Variants in ADAM20 observed in about 807,000 individuals in gnomAD.
ADAM20 encodes the protein ADAM metallopeptidase domain 20.
For missense variants in ADAM20, 871 were observed against 883.2 expected, an observed-to-expected ratio of 0.99 and a Z score of 0.18; for synonymous variants, 305 against 310.2, an observed-to-expected ratio of 0.98 and a Z score of 0.18.
chr14:70,562,250 T>C, the ADAM20 span, among the ~76,000 whole-genome samples: 92 of 152,342 alleles, frequency 6.0e-4, no homozygotes, highest in African/African-American at 2.1e-3. Context: ...GACTGCCCTA[T>C]TGGGTTTCAG....
the ADAM20 span, among the ~76,000 whole-genome samples, chr14:70,560,357 T>C: frequency 6.6e-6 from 1 of 152,142 alleles, no homozygotes; most frequent in African/African-American, 2.4e-5. Context: ...CATGGCTGAA[T>C]AAAGATGCTA....
At chr14:70,577,209 C>T in the ADAM20 span, among the ~76,000 whole-genome samples, 1 of 152,048 alleles carries the variant, frequency 6.6e-6, no homozygotes, top group African/African-American at 2.4e-5. Context: ...AGTGTTAAAT[C>T]AAGTGTAAAA....
chr14:70,536,054 G>A (rs1419180814), upstream of ADAM20, among the ~76,000 whole-genome samples: 4 of 152,200 alleles, frequency 2.6e-5, no homozygotes, highest in Non-Finnish European at 4.4e-5. Flanking sequence ...TTAACCTAAT[G>A]TACACATGTA....
chr14:70,523,525 C>A lies in ADAM20; in HGVS notation c.1233G>T (p.Gly411=). The change falls in exon 2 of 2, where the codon GGG becomes GGT. Residue 411 remains glycine, a synonymous_variant. Coordinates refer to ENST00000256389, the MANE Select transcript of ADAM20 (RefSeq NM_003814.5). ...CCTCCCCTTCTTCAACCACTAGATT[C>A]CCACAGTACTTCAGTCTAAATATAT... is the stretch of plus-strand genomic sequence containing the variant. The part of the protein sequence containing the change: ...PGNIFRLKYC[G]NLVVEEGEEC... The A allele has an allele frequency of 4.3e-6, 7 of 1,614,088 alleles. No homozygotes were observed. Among genetic ancestry groups the A allele is most frequent in the Non-Finnish European group, 5.9e-6 (7 of 1,179,982 alleles).
At chr14:70,537,259 G>A (rs993630315), upstream of ADAM20, among the ~76,000 whole-genome samples, 2 of 152,058 alleles carry the variant, frequency 1.3e-5, no homozygotes, top group African/African-American at 4.8e-5. Context: ...CTCAGGTTGG[G>A]GCTACTCTCC....
the ADAM20 span, among the ~76,000 whole-genome samples, chr14:70,574,649 AAG>A: frequency 2.0e-5 from 3 of 151,574 alleles, no homozygotes; most frequent in African/African-American, 7.3e-5. Context: ...CAAAAAAAAA[AAG>A]AAAGAAAGAA....
rs764472851 is a variant in ADAM20 at position 70,522,937 on chromosome 14, C to A, written c.1821G>T (p.Glu607Asp). The A allele has an allele frequency of 6.2e-7, 1 of 1,614,080 alleles. No homozygotes were observed. Among genetic ancestry groups the A allele is most frequent in the East Asian group, 2.2e-5 (1 of 44,884 alleles). ...HLGMAIPDIG[E>D]VKDGTVCGPE... is the part of the protein sequence containing the mutation. ...GACCACATACTGTGCCATCTTTCAC[C>A]TCACCAATATCAGGTATAGCCATCC... Residue 607 changes from glutamate (E) to aspartate (D), a missense_variant, in exon 2 of 2, where the codon GAG becomes GAT. Physicochemically the swap from Glu to Asp is conservative, Grantham distance 45. Transcript: ENST00000256389.
the ADAM20 span, chr14:70,547,536 G>T: frequency 1.7e-5 from 2 of 115,312 alleles, no homozygotes; most frequent in Non-Finnish European, 3.6e-5. Context: ...TCAAAGAAAG[G>T]GGTGACGGAC....
At chr14:70,561,266 G>C in the ADAM20 span, among the ~76,000 whole-genome samples, 2,349 of 152,306 alleles carry the variant, frequency 0.015, 58 homozygotes, top group African/African-American at 0.048. Context: ...GAGATGATTT[G>C]GGGTATCTGG....
the ADAM20 span, among the ~76,000 whole-genome samples, chr14:70,543,877 C>T: frequency 2.0e-5 from 3 of 152,172 alleles, 1 homozygote; most frequent in African/African-American, 4.8e-5. Flanking sequence ...AGGAGCATCA[C>T]CATCTTGGAC....
At chr14:70,531,346 A>T (rs8011142) in intron 1 of ADAM20, among the ~76,000 whole-genome samples, 2 of 152,138 alleles carry the variant, frequency 1.3e-5, no homozygotes, top group African/African-American at 4.8e-5. Context: ...TTCTAGGAAT[A>T]CAAGAAAATG....
the ADAM20 span, among the ~76,000 whole-genome samples, chr14:70,553,592 A>G: frequency 1.3e-5 from 2 of 151,106 alleles, no homozygotes; most frequent in Non-Finnish European, 2.9e-5. Flanking sequence ...ATCATTCATC[A>G]TGACCAAGCA....
Position 70,522,652 on chromosome 14 carries a change from C to G in ADAM20, c.2106G>C (p.Leu702Phe), listed in dbSNP as rs775083370. The G allele has an allele frequency of 6.2e-7, 1 of 1,613,734 alleles. No homozygotes were observed. Among genetic ancestry groups the G allele is most frequent in the Non-Finnish European group, 8.5e-7 (1 of 1,179,848 alleles). The change falls in exon 2 of 2, where the codon TTG becomes TTC. Residue 702 changes from leucine (L) to phenylalanine (F), a missense_variant. Coordinates refer to ENST00000256389, the MANE Select transcript of ADAM20 (RefSeq NM_003814.5). ...GTAAGCAAAATAATAAAAAAGCAACCAAAGGAAGAAGGCACAATAGTGACA... is the reference window on the plus strand; with the variant it reads ...GTAAGCAAAATAATAAAAAAGCAACGAAAGGAAGAAGGCACAATAGTGACA... ...RYLSLLCLLP[L>F]VAFLLFCLHV...
chr14:70,527,473 C>A (rs1180128257), intron 1 of ADAM20, among the ~76,000 whole-genome samples: 1 of 152,162 alleles, frequency 6.6e-6, no homozygotes, highest in Admixed American at 6.6e-5. Context: ...TTCTCACATA[C>A]TCCCATGGCT....
chr14:70,579,377 G>A, the ADAM20 span, among the ~76,000 whole-genome samples: 1 of 152,020 alleles, frequency 6.6e-6, no homozygotes, highest in East Asian at 1.9e-4. Flanking sequence ...TAGCCATCCT[G>A]ACTGACATGA....
upstream of ADAM20, among the ~76,000 whole-genome samples, chr14:70,535,335 T>G (rs113655887): frequency 3.4e-4 from 48 of 143,158 alleles, 1 homozygote; most frequent in African/African-American, 1.2e-3. Flanking sequence ...AAAACAAAAT[T>G]TAATTGAAAT....
At chr14:70,547,336 G>A in the ADAM20 span, 2,343 of 154,218 alleles carry the variant, frequency 0.015, 59 homozygotes, top group African/African-American at 0.048. Context: ...CCGGTCTACA[G>A]CTCCCAGCGT....
chr14:70,545,003 C>G, the ADAM20 span, among the ~76,000 whole-genome samples: 1 of 151,920 alleles, frequency 6.6e-6, no homozygotes, highest in South Asian at 2.1e-4. Flanking sequence ...TACATATTTT[C>G]AAAACAATGA....
the ADAM20 span, among the ~76,000 whole-genome samples, chr14:70,565,317 G>A: frequency 1.3e-5 from 2 of 151,798 alleles, no homozygotes; most frequent in East Asian, 1.9e-4. Flanking sequence ...ATTATGGAAG[G>A]CCCAGAGGAG....
Sources: gnomAD v4.1 joint callset for allele counts (sites outside exome capture counted in the v4.1 genomes callset) on GRCh38, gnomAD v4.1.1 for gene constraint, MANE v1.5 for transcripts, NCBI Gene and HGNC (gene_info 2026-07-23, HGNC 2026-07-21) for gene names.